ZSWIM6: variants seen among roughly 807,000 people sequenced by gnomAD.
ZSWIM6 encodes the protein zinc finger SWIM domain-containing protein 6.
ZSWIM6 carries 9 observed loss-of-function variants against 113.2 expected under a neutral mutation model. The ratio of observed to expected loss-of-function variants is 0.08; its 90% confidence interval spans 0.05 to 0.14. ZSWIM6 has a LOEUF of 0.14. Ranked by LOEUF, ZSWIM6 falls within the 10% of genes least tolerant of loss-of-function variation. The pLI, the probability that ZSWIM6 is intolerant of heterozygous loss-of-function variation, is 1.00. For missense variants in ZSWIM6, 1,162 were observed against 1,552.2 expected (o/e 0.75, Z 4.22); for synonymous variants, 611 against 606.5 (o/e 1.01, Z -0.11).
chr5:61,437,407 G>A lies in ZSWIM6; in HGVS notation c.677-35274G>A, dbSNP rs553293741. 4.6e-5 allele frequency among the ~76,000 whole-genome samples: 7 copies of A among 152,248 alleles called. No individual in the cohort carries two copies. In the South Asian group the frequency reaches 1.0e-3, roughly 23 times the overall value. On this transcript the variant is annotated intron_variant, in intron 1 of 13. Transcript: ENST00000252744. ...TCTACATCACATCAGCAAGCCAATA[G>A]TTGGCATTAGACTATGTAAAAAAAC...
chr5:61,534,747 A>G (rs1375008513), intron 9 of ZSWIM6, among the ~76,000 whole-genome samples: 1 of 152,186 alleles, frequency 6.6e-6, no homozygotes, highest in African/African-American at 2.4e-5. Context: ...CAGCTCTGCC[A>G]CCACGCCTGT....
intron 1 of ZSWIM6, among the ~76,000 whole-genome samples, chr5:61,461,249 T>C (rs760902961): frequency 1.3e-5 from 2 of 152,238 alleles, no homozygotes; most frequent in African/African-American, 4.8e-5. Flanking sequence ...AAAAGTCTTA[T>C]GCTATATAAG....
chr5:61,399,900 T>G (rs1231923076), intron 1 of ZSWIM6, among the ~76,000 whole-genome samples: 1 of 152,194 alleles, frequency 6.6e-6, no homozygotes, highest in Non-Finnish European at 1.5e-5. Flanking sequence ...TTAATGATTG[T>G]TATAACTAAA....
intron 1 of ZSWIM6, among the ~76,000 whole-genome samples, chr5:61,442,535 AG>A (rs1310052955): frequency 6.6e-6 from 1 of 152,212 alleles, no homozygotes; most frequent in Non-Finnish European, 1.5e-5. Context: ...AGATCACAGC[AG>A]GACCAACCTA....
At chr5:61,335,312 C>T (rs890193205) in intron 1 of ZSWIM6, among the ~76,000 whole-genome samples, 2 of 152,156 alleles carry the variant, frequency 1.3e-5, no homozygotes, top group African/African-American at 2.4e-5. Flanking sequence ...CTTTTTTCGC[C>T]TCTGAGTTCT....
intron 1 of ZSWIM6, among the ~76,000 whole-genome samples, chr5:61,416,500 T>C (rs964172502): frequency 2.0e-5 from 3 of 152,230 alleles, no homozygotes; most frequent in Non-Finnish European, 4.4e-5. Context: ...GGGGGTATGA[T>C]AGAATCCTGT....
At chr5:61,489,171 G>T (rs1249215065) in intron 2 of ZSWIM6, among the ~76,000 whole-genome samples, 6 of 151,862 alleles carry the variant, frequency 4.0e-5, no homozygotes, top group Non-Finnish European at 7.4e-5. Context: ...CTTCTCACAT[G>T]CAGACCCTTC....
intron 1 of ZSWIM6, among the ~76,000 whole-genome samples, chr5:61,440,688 A>G (rs1746809361): frequency 6.6e-6 from 1 of 152,208 alleles, no homozygotes; most frequent in Admixed American, 6.5e-5. Context: ...TTTGCTATTC[A>G]AAACATGTTA....
chr5:61,521,280 A>G lies in ZSWIM6; in HGVS notation c.1351A>G (p.Ile451Val), dbSNP rs1476488562. ...TAAATTAGGTGCTCTGTGGATGTGT[A>G]TAGTTTTAAACCCCCACTGCAAGTT... is the stretch of plus-strand genomic sequence containing the variant. ...WDELGALWMC[I>V]VLNPHCKLEQ... Residue 451 changes from isoleucine (I) to valine (V), a missense_variant, in exon 5 of 14, where the codon ATA becomes GTA. Physicochemically the swap from Ile to Val is conservative, Grantham distance 29 (BLOSUM62 3). This residue lies in a region of ZSWIM6 where 620 missense variants were observed against 804.6 expected (regional missense o/e 0.77). Coordinates refer to ENST00000252744, the MANE Select transcript of ZSWIM6 (RefSeq NM_020928.2). 6 of 1,473,400 alleles carry G rather than the reference A, an allele frequency of 4.1e-6. No individual in the cohort carries two copies. The highest frequency in any genetic ancestry group is 2.8e-5 in the South Asian group (2 of 71,192). The allele number at this position is 1,473,400 out of a possible 1,614,324, so 91.3% of individuals were successfully genotyped here. A position where few individuals can be genotyped will look rare whatever the true frequency, so the allele number is the denominator to read the frequency against.
At chr5:61,446,231 G>T (rs1381680500) in intron 1 of ZSWIM6, among the ~76,000 whole-genome samples, 1 of 152,126 alleles carries the variant, frequency 6.6e-6, no homozygotes, top group Non-Finnish European at 1.5e-5. Context: ...CACCATGTTG[G>T]CCAGGATGGC....
chr5:61,382,023 C>T (rs762752404), intron 1 of ZSWIM6, among the ~76,000 whole-genome samples: 8 of 152,058 alleles, frequency 5.3e-5, no homozygotes, highest in East Asian at 1.9e-4. Context: ...AGAGTGATAC[C>T]GATACATGAG....
rs908327460 is a variant in ZSWIM6 at position 61,544,127 on chromosome 5, C to T, written c.3458C>T (p.Thr1153Met). The change falls in exon 14 of 14, where the codon ACG becomes ATG. Residue 1153 changes from threonine (T) to methionine (M), a missense_variant. Around this residue, in one of 4 missense-constraint regions of ZSWIM6, gnomAD observed 113 missense variants for 213.8 expected, o/e 0.53. Coordinates refer to ENST00000252744, the MANE Select transcript of ZSWIM6 (RefSeq NM_020928.2). ...DATIGAYINT[T>M]HSRLTHISPR... is the part of the protein sequence containing the mutation. ...ACGATCGGGGCCTACATCAACACAA[C>T]GCACTCACGGCTCACACACATCAGT... 3 of 1,551,814 alleles carry T rather than the reference C, an allele frequency of 1.9e-6. No individual in the cohort carries two copies. Among genetic ancestry groups the T allele is most frequent in the Non-Finnish European group, 2.6e-6 (3 of 1,147,004 alleles).
chr5:61,411,509 A>T, intron 1 of ZSWIM6, among the ~76,000 whole-genome samples: 1 of 152,238 alleles, frequency 6.6e-6, no homozygotes, highest in East Asian at 1.9e-4. Flanking sequence ...ACACTTTAAA[A>T]TTACTTTTGT....
intron 7 of ZSWIM6, among the ~76,000 whole-genome samples, chr5:61,528,245 T>G (rs764047887): frequency 6.6e-6 from 1 of 151,714 alleles, no homozygotes; most frequent in African/African-American, 2.4e-5. Flanking sequence ...TGGCATGATG[T>G]GTTAGCTTAT....
At chr5:61,426,451 A>ATATTGTT (rs1335436096) in intron 1 of ZSWIM6, among the ~76,000 whole-genome samples, 1 of 152,218 alleles carries the variant, frequency 6.6e-6, no homozygotes, top group African/African-American at 2.4e-5. Context: ...TATGCAAGCA[A>ATATTGTT]TATTGTTTTT....
At chr5:61,490,171 A>G (rs1748141293) in intron 2 of ZSWIM6, among the ~76,000 whole-genome samples, 1 of 152,056 alleles carries the variant, frequency 6.6e-6, no homozygotes, top group Non-Finnish European at 1.5e-5. Context: ...CTTAGCTGCT[A>G]TCTTTGTGTG....
At chr5:61,384,661 A>G (rs982515507) in intron 1 of ZSWIM6, among the ~76,000 whole-genome samples, 2 of 152,208 alleles carry the variant, frequency 1.3e-5, no homozygotes, top group African/African-American at 4.8e-5. Context: ...ATGGAATATT[A>G]GAACTTTTGT....
chr5:61,518,467 T>G (rs1749021352), intron 4 of ZSWIM6, among the ~76,000 whole-genome samples: 1 of 151,958 alleles, frequency 6.6e-6, no homozygotes, highest in Admixed American at 6.6e-5. Context: ...CCTGACTTTT[T>G]AATGATTGCC....
In ZSWIM6 at chr5:61,332,806, C is replaced by T. The variant is rs1187393011; in HGVS notation, c.534C>T (p.Ala178=). ...CCGCCGCCGCTGCCGCCGCCGCCGC[C>T]GCCGCCGCCGCCGCCGCGGGGGCCG... ...SAAAAAAAAA[A]AAAAAAGAGA... is the part of the protein sequence containing the mutation. The change falls in exon 1 of 14, where the codon GCC becomes GCT. Residue 178 remains alanine, a synonymous_variant. Transcript: ENST00000252744. The T allele has an allele frequency of 2.2e-6, 2 of 921,188 alleles. No homozygotes were observed. Among genetic ancestry groups the T allele is most frequent in the Non-Finnish European group, 2.6e-6 (2 of 778,078 alleles). 57.1% of individuals were successfully genotyped at this position (921,188 alleles called of 1,614,324 possible).
Sources: allele counts gnomAD v4.1 joint callset (sites outside exome capture counted in the v4.1 genomes callset), GRCh38; gene constraint gnomAD v4.1.1; regional missense constraint gnomAD v4.1.1; transcripts MANE v1.5; gene names NCBI Gene and HGNC (gene_info 2026-07-23, HGNC 2026-07-21).